The following YTHDF1 variants were observed in gnomAD, a reference collection of about 807,000 sequenced individuals.
YTHDF1 encodes the protein YTH N6-methyladenosine RNA binding protein F1.
Under a neutral mutation model 49.1 loss-of-function variants are expected in YTHDF1, and 16 were observed. The observed-to-expected ratio is 0.33, with a 90% confidence interval of 0.22 to 0.49. The LOEUF (loss-of-function observed/expected upper bound fraction) is 0.49, where lower values mean the gene tolerates loss of function less well. YTHDF1 is among the 20% of genes least tolerant of loss of function. The pLI is 0.99. For synonymous variants in YTHDF1, 313 were observed against 290.1 expected (o/e 1.08, Z -0.80); for missense variants, 621 against 744.3 (o/e 0.83, Z 1.93).
At position 63,203,885 on chromosome 20, in the gene YTHDF1, C is replaced by G; in HGVS notation, c.133-78G>C. On this transcript the variant is annotated intron_variant, in intron 3 of 4. Transcript: ENST00000370339. The surrounding 1 kb of genome is among the most constrained non-coding windows in gnomAD (Gnocchi z 4.4). ...GAATGCCAACCGCCTCTTGCTTAAG[C>G]ACAGGTGGAGCAAAAACAAAACCTG... is the stretch of plus-strand genomic sequence containing the variant. The G allele has an allele frequency of 7.1e-7, 1 of 1,418,264 alleles. No homozygotes were observed. Among genetic ancestry groups the G allele is most frequent in the Non-Finnish European group, 9.5e-7 (1 of 1,057,214 alleles). 87.9% of individuals were successfully genotyped at this position (1,418,264 alleles called of 1,614,324 possible). A position where few individuals can be genotyped will look rare whatever the true frequency, so the allele number is the denominator to read the frequency against.
chr20:63,201,491 GC>G (rs2066517060), intron 4 of YTHDF1, among the ~76,000 whole-genome samples: 1 of 152,170 alleles, frequency 6.6e-6, no homozygotes, highest in African/African-American at 2.4e-5. Context: ...CAGTTTACGG[GC>G]ATCTGAGCCC....
intron 3 of YTHDF1, among the ~76,000 whole-genome samples, chr20:63,205,040 C>T (rs1034353512): frequency 3.3e-5 from 5 of 152,084 alleles, no homozygotes; most frequent in African/African-American, 4.8e-5. Flanking sequence ...AAACACGGGG[C>T]TCTCCAGTCT....
At chr20:63,196,805 C>A in intron 4 of YTHDF1, 71 bp from the exon 5 acceptor site, 1 of 1,592,560 alleles carries the variant, frequency 6.3e-7, no homozygotes, top group Non-Finnish European at 8.6e-7. Context: ...AAGTGAGATC[C>A]GAGGCTGCCC....
chr20:63,213,169 C>A lies in YTHDF1; in HGVS notation c.132+695G>T, dbSNP rs1292188547. On this transcript the variant is annotated intron_variant, in intron 3 of 4. Transcript: ENST00000370339. The stretch of plus-strand genomic sequence containing the variant: ...AAACCAGGCTGGGCGCGGTGCCTCA[C>A]GCCTATAATCCCAGCACTCTGGGAG... 5.9e-5 allele frequency among the ~76,000 whole-genome samples: 9 copies of A among 152,364 alleles called. No individual in the cohort carries two copies. In the East Asian group the frequency reaches 1.7e-3, roughly 29 times the overall value.
At chr20:63,211,425 A>T (rs1490547703) in intron 3 of YTHDF1, among the ~76,000 whole-genome samples, 2 of 152,108 alleles carry the variant, frequency 1.3e-5, no homozygotes, top group African/African-American at 4.8e-5. Context: ...TGATCACATC[A>T]TGCACTCCAG....
At chr20:63,213,221 C>T (rs1465241509) in intron 3 of YTHDF1, among the ~76,000 whole-genome samples, 1 of 152,234 alleles carries the variant, frequency 6.6e-6, no homozygotes, top group Non-Finnish European at 1.5e-5. Flanking sequence ...CACCTGAGGT[C>T]AGGAGTTTGA....
At chr20:63,211,963 ACACACACAC>A (rs2066576436) in intron 3 of YTHDF1, among the ~76,000 whole-genome samples, 1 of 172 alleles carries the variant, frequency 5.8e-3, no homozygotes, top group Non-Finnish European at 0.02. Flanking sequence ...TCCAAAATAC[ACACACACAC>A]ACACACACAC....
chr20:63,210,968 G>A (rs930111923), intron 3 of YTHDF1, among the ~76,000 whole-genome samples: 1 of 152,196 alleles, frequency 6.6e-6, no homozygotes, highest in African/African-American at 2.4e-5. Flanking sequence ...CAGAAGCACA[G>A]CAAGGCGGGT....
Position 63,215,909 on chromosome 20 carries a change from G to C in YTHDF1, c.-17C>G, listed in dbSNP as rs1245362742. ...GGCCGACATGCTTCATGAACAACTAGACGCGGGGCCGGGGCGCCCGCCGGC... is the reference window on the plus strand; with the variant it reads ...GGCCGACATGCTTCATGAACAACTACACGCGGGGCCGGGGCGCCCGCCGGC... On this transcript the variant is annotated 5_prime_UTR_variant, in exon 1 of 5. Transcript: ENST00000370339. The C allele has an allele frequency of 7.1e-7, 1 of 1,403,164 alleles. No individual in the cohort carries two copies. Among genetic ancestry groups the C allele is most frequent in the Non-Finnish European group, 9.3e-7 (1 of 1,073,642 alleles). The allele number at this position is 1,403,164 out of a possible 1,614,324, so 86.9% of individuals were successfully genotyped here.
Position 63,214,075 on chromosome 20 carries a change from A to G in YTHDF1, c.53-132T>C, listed in dbSNP as rs1023583034. 8.3e-5 allele frequency: 119 copies of G among 1,427,296 alleles called. 1 individual carries two copies. The highest frequency in any genetic ancestry group is 9.6e-5 in the Admixed American group (3 of 31,106). 88.4% of individuals were successfully genotyped at this position (1,427,296 alleles called of 1,614,324 possible). On this transcript the variant is annotated intron_variant, in intron 2 of 4. Coordinates refer to ENST00000370339, the MANE Select transcript of YTHDF1 (RefSeq NM_017798.4). ...TATGCTTTAATTTTAAAAGGAGTAC[A>G]ACCAGTATAGAACTGATGTTTATAC...
chr20:63,212,644 T>A (rs1464860041), intron 3 of YTHDF1, among the ~76,000 whole-genome samples: 1 of 151,984 alleles, frequency 6.6e-6, no homozygotes, highest in Non-Finnish European at 1.5e-5. Flanking sequence ...GATTCCCGAG[T>A]TGGACTCTTA....
rs1313295252 is a variant in YTHDF1, at chr20:63,215,609, G to A, written c.28-8C>T. 4.4e-6 allele frequency: 7 copies of A among 1,607,978 alleles called. No individual in the cohort carries two copies. The highest frequency in any genetic ancestry group is 1.7e-5 in the Admixed American group (1 of 59,346). On this transcript the variant is annotated splice_polypyrimidine_tract_variant and splice_region_variant and intron_variant, in intron 1 of 4. Transcript: ENST00000370339. ...ATCTTGTCCTTTTGTTCTCTGCACC[G>A]CCGCAGGCCGGGACGTGGGGTACAC...
At chr20:63,214,663 C>CT (rs1475300690) in intron 2 of YTHDF1, among the ~76,000 whole-genome samples, 1 of 152,108 alleles carries the variant, frequency 6.6e-6, no homozygotes, top group Admixed American at 6.5e-5. Context: ...CAAACGGCTG[C>CT]ATTCTTTCGA....
chr20:63,206,972 A>G (rs562052554), intron 3 of YTHDF1, among the ~76,000 whole-genome samples: 1 of 151,538 alleles, frequency 6.6e-6, no homozygotes, highest in East Asian at 1.9e-4. Flanking sequence ...CTGGAAACGC[A>G]CAGTTCGGGC....
chr20:63,215,528 C>T (rs1167059582), intron 2 of YTHDF1, 49 bp downstream of exon 2: 1 of 1,612,808 alleles, frequency 6.2e-7, no homozygotes. Flanking sequence ...GTTCCTTCCC[C>T]GTCCTCCTCC....
At chr20:63,200,356 CAAAA>C (rs112262061) in intron 4 of YTHDF1, among the ~76,000 whole-genome samples, 6 of 135,578 alleles carry the variant, frequency 4.4e-5, no homozygotes, top group Admixed American at 1.5e-4. Context: ...GAGATTGGCT[CAAAA>C]AAAAAAAAGC....
chr20:63,211,341 T>C (rs959840455), intron 3 of YTHDF1, among the ~76,000 whole-genome samples: 1 of 152,142 alleles, frequency 6.6e-6, no homozygotes, highest in Admixed American at 6.5e-5. Flanking sequence ...GGCACATGCC[T>C]GTAGTCCTAG....
At chr20:63,197,508 C>G (rs1197965267) in intron 4 of YTHDF1, among the ~76,000 whole-genome samples, 1 of 152,192 alleles carries the variant, frequency 6.6e-6, no homozygotes, top group Non-Finnish European at 1.5e-5. Context: ...TCTAGAAGCC[C>G]CTTCAGTCTC....
intron 2 of YTHDF1, 122 bp downstream of exon 2, chr20:63,215,455 T>C (rs1211608225): frequency 9.5e-6 from 13 of 1,367,784 alleles, no homozygotes; most frequent in African/African-American, 1.4e-5. Flanking sequence ...AACCTCAAGT[T>C]TTATCTCCCT....
Sources: gnomAD v4.1 joint callset for allele counts (sites outside exome capture counted in the v4.1 genomes callset) on GRCh38, gnomAD v4.1.1 for gene constraint, Gnocchi (gnomAD v3.1) non-coding constraint, MANE v1.5 for transcripts, NCBI Gene and HGNC (gene_info 2026-07-23, HGNC 2026-07-21) for gene names.